The following RPS6KC1 variants were observed in gnomAD, a reference collection of about 807,000 sequenced individuals.
The protein encoded by RPS6KC1 is inactive ribosomal protein S6 kinase delta-1.
In RPS6KC1, 54 loss-of-function variants were observed where a neutral mutation model predicts 103.8. The ratio of observed to expected loss-of-function variants is 0.52; its 90% CI spans 0.42 to 0.65. The LOEUF (loss-of-function observed/expected upper bound fraction) is 0.65. Among genes scored for constraint, RPS6KC1 ranks in the 30% least tolerant of loss-of-function variants. The pLI is 0.00. For missense variants in RPS6KC1, 1,151 were observed against 1,253.8 expected (o/e 0.92, Z 1.24); for synonymous variants, 439 against 438.7 (o/e 1.00, Z -0.01).
intron 7 of RPS6KC1, among the ~76,000 whole-genome samples, chr1:213,172,386 G>A (rs1008533142): frequency 2.6e-5 from 4 of 152,260 alleles, no homozygotes; most frequent in South Asian, 2.1e-4. Flanking sequence ...TTGAGGCCAG[G>A]CGTTCGAGAC....
At chr1:213,243,512 G>C (rs1017240583) in intron 12 of RPS6KC1, among the ~76,000 whole-genome samples, 1 of 152,104 alleles carries the variant, frequency 6.6e-6, no homozygotes, top group African/African-American at 2.4e-5. Flanking sequence ...GTTTTATCTT[G>C]CCTTTACTGT....
chr1:213,464,255 AT>A, the RPS6KC1 span, among the ~76,000 whole-genome samples: 1 of 152,266 alleles, frequency 6.6e-6, no homozygotes, highest in South Asian at 2.1e-4. Context: ...AGTATTTGAT[AT>A]GGATTGGATA....
chr1:213,733,384 C>T, the RPS6KC1 span, among the ~76,000 whole-genome samples: 11 of 151,818 alleles, frequency 7.2e-5, no homozygotes, highest in African/African-American at 2.7e-4. Context: ...GGACTACAGG[C>T]ATATGCCACC....
At chr1:213,749,113 T>A in the RPS6KC1 span, among the ~76,000 whole-genome samples, 1 of 152,150 alleles carries the variant, frequency 6.6e-6, no homozygotes, top group Non-Finnish European at 1.5e-5. Flanking sequence ...TTACTCCACA[T>A]AATCAATTTA....
chr1:213,207,040 C>T (rs939682048), intron 8 of RPS6KC1, among the ~76,000 whole-genome samples: 12 of 152,080 alleles, frequency 7.9e-5, no homozygotes, highest in African/African-American at 2.7e-4. Context: ...CTCTGGGAGG[C>T]GGAGGTTGCA....
intron 6 of RPS6KC1, among the ~76,000 whole-genome samples, chr1:213,160,955 A>T (rs2090414977): frequency 1.3e-5 from 2 of 152,148 alleles, no homozygotes; most frequent in Admixed American, 1.3e-4. Flanking sequence ...TATGTAACAG[A>T]TCTGCACATT....
chr1:213,686,754 G>A, the RPS6KC1 span, among the ~76,000 whole-genome samples: 4 of 152,244 alleles, frequency 2.6e-5, no homozygotes, highest in Admixed American at 6.5e-5. Context: ...AGTGAAAGCA[G>A]GTTTATTAAG....
the RPS6KC1 span, among the ~76,000 whole-genome samples, chr1:213,553,888 T>G: frequency 3.3e-5 from 5 of 152,208 alleles, no homozygotes; most frequent in Admixed American, 3.3e-4. Context: ...GTTCGTTTTT[T>G]GCTTGTTGAT....
chr1:213,053,457 A>G (rs7525940), intron 1 of RPS6KC1, among the ~76,000 whole-genome samples: 23,986 of 152,216 alleles, frequency 0.16, 5,007 homozygotes, highest in African/African-American at 0.48. Flanking sequence ...ATAAATGTTT[A>G]GATCCAGGCA....
the RPS6KC1 span, among the ~76,000 whole-genome samples, chr1:213,531,645 G>A: frequency 6.6e-6 from 1 of 152,168 alleles, no homozygotes; most frequent in African/African-American, 2.4e-5. Flanking sequence ...GCAAGGAAGC[G>A]GAAGCCTCCT....
At chr1:213,566,460 T>TGGATA in the RPS6KC1 span, among the ~76,000 whole-genome samples, 30 of 35,578 alleles carry the variant, frequency 8.4e-4, no homozygotes, top group African/African-American at 1.3e-3. Flanking sequence ...TTTTTTTTTT[T>TGGATA]TTTTTTTTTT....
chr1:213,291,265 T>G, the RPS6KC1 span, among the ~76,000 whole-genome samples: 1 of 152,232 alleles, frequency 6.6e-6, no homozygotes, highest in South Asian at 2.1e-4. Flanking sequence ...TTCCAACTTC[T>G]TTGTGTGAGG....
the RPS6KC1 span, among the ~76,000 whole-genome samples, chr1:213,718,227 G>T: frequency 1.3e-5 from 2 of 152,218 alleles, no homozygotes; most frequent in African/African-American, 4.8e-5. Context: ...GCACCAGCAG[G>T]TACTTGTGGC....
the RPS6KC1 span, among the ~76,000 whole-genome samples, chr1:213,392,012 A>AT: frequency 6.6e-6 from 1 of 152,018 alleles, no homozygotes; most frequent in Non-Finnish European, 1.5e-5. Context: ...TGGTTTTTGA[A>AT]TTTTTTGAAT....
chr1:213,065,192 G>C (rs984928859), intron 1 of RPS6KC1, among the ~76,000 whole-genome samples: 1 of 150,800 alleles, frequency 6.6e-6, no homozygotes, highest in Non-Finnish European at 1.5e-5. Context: ...GGCCAGGCTG[G>C]TCTCGAACTC....
chr1:213,427,150 C>A, the RPS6KC1 span, among the ~76,000 whole-genome samples: 1 of 152,104 alleles, frequency 6.6e-6, no homozygotes, highest in African/African-American at 2.4e-5. Flanking sequence ...GAAGTCAGTT[C>A]TTTTTATCTG....
chr1:213,528,695 C>CAGG, the RPS6KC1 span, among the ~76,000 whole-genome samples: 196 of 152,262 alleles, frequency 1.3e-3, no homozygotes, highest in African/African-American at 4.6e-3. Flanking sequence ...GATTTAATGT[C>CAGG]ATCTCAGATC....
chr1:213,762,593 T>C, the RPS6KC1 span, among the ~76,000 whole-genome samples: 1 of 152,222 alleles, frequency 6.6e-6, no homozygotes, highest in Non-Finnish European at 1.5e-5. Flanking sequence ...TAAGAATAAG[T>C]CAAATATGTG....
At chr1:213,086,851 T>C (rs1042238045) in intron 3 of RPS6KC1, among the ~76,000 whole-genome samples, 2 of 152,184 alleles carry the variant, frequency 1.3e-5, no homozygotes, top group Non-Finnish European at 2.9e-5. Context: ...GTGTATTATA[T>C]AGATATACAT....
Sources: gnomAD v4.1 joint callset for allele counts (sites outside exome capture counted in the v4.1 genomes callset) on GRCh38, gnomAD v4.1.1 for gene constraint, MANE v1.5 for transcripts, NCBI Gene and HGNC (gene_info 2026-07-23, HGNC 2026-07-21) for gene names.